HERC1: variants seen among roughly 807,000 people sequenced by gnomAD.
HERC1 encodes probable E3 ubiquitin-protein ligase HERC1.
Under a neutral mutation model 554.3 loss-of-function variants are expected in HERC1, and 160 were observed. The observed-to-expected ratio is 0.29, with a 90% confidence interval of 0.25 to 0.33. The LOEUF is 0.33. Among genes scored for constraint, HERC1 ranks in the 10% least tolerant of loss-of-function variants. The pLI is 1.00. For missense variants in HERC1, 4,919 were observed against 5,918.5 expected (o/e 0.83, Z 5.54); for synonymous variants, 2,175 against 2,131.7 (o/e 1.02, Z -0.56).
chr15:63,694,103 G>T lies in HERC1; in HGVS notation c.5535C>A (p.Leu1845=). The change falls in exon 30 of 78, where the codon CTC becomes CTA. Residue 1845 remains leucine (L), a synonymous_variant. Coordinates refer to ENST00000443617, the MANE Select transcript of HERC1 (RefSeq NM_003922.4). This position sits in a 1 kb window ranked among gnomAD's most constrained non-coding sequence, Gnocchi z 4.3. ...PKVVQSLLDL[L]CSQLKNLLSQ... is the part of the protein sequence containing the mutation. The stretch of plus-strand genomic sequence containing the variant: ...ACAATAAATTCTTCAACTGACTACA[G>T]AGTAGATCCAACAAGGATTGAACTA... 6.2e-7 allele frequency: 1 copy of T among 1,610,546 alleles called. No individual in the cohort carries two copies. The highest frequency in any genetic ancestry group is 8.5e-7 in the Non-Finnish European group (1 of 1,178,298).
rs556727293 is a variant in HERC1, at chr15:63,664,380, A to T, written c.8680+90T>A. 5 of 1,166,862 alleles carry T rather than the reference A, an allele frequency of 4.3e-6. No homozygotes were observed. In the South Asian group the frequency reaches 7.5e-5, roughly 18 times the overall value. 72.3% of individuals were successfully genotyped at this position (1,166,862 alleles called of 1,614,324 possible). A position where few individuals can be genotyped will look rare whatever the true frequency, so the allele number is the denominator to read the frequency against. On this transcript the variant is annotated intron_variant, in intron 43 of 77. Transcript: ENST00000443617. ...AATGTGGAGGGACTGAGCACTTAGT[A>T]TCATTAGTTTGAATCTTCTTTAATG...
In HERC1 at chr15:63,641,643, C is replaced by T; in HGVS notation, c.11434G>A (p.Asp3812Asn). Reference sequence around the variant, plus strand: ...GCTGTACAATTCACGACCAAAACATCCTGGTTGAAAATAAATCATGCCACA... The same window carrying T: ...GCTGTACAATTCACGACCAAAACATTCTGGTTGAAAATAAATCATGCCACA... ...GVAACSNRSK[D>N]VLVVNCTAEW... The change falls in exon 60 of 78, where the codon GAT becomes AAT. Residue 3812 changes from aspartate to asparagine, a missense_variant and splice_region_variant. Asp to Asn is a conservative substitution (Grantham distance 23). Transcript: ENST00000443617. The T allele has an allele frequency of 6.6e-7, 1 of 1,521,670 alleles. No individual in the cohort carries two copies. Among genetic ancestry groups the T allele is most frequent in the Non-Finnish European group, 8.9e-7 (1 of 1,126,484 alleles). The allele number at this position is 1,521,670 out of a possible 1,614,324, so 94.3% of individuals were successfully genotyped here.
Position 63,723,262 on chromosome 15 carries a change from T to A in HERC1, c.3662A>T (p.Tyr1221Phe), listed in dbSNP as rs780900182. The A allele has an allele frequency of 1.3e-6, 2 of 1,599,494 alleles. No homozygotes were observed. Among genetic ancestry groups the A allele is most frequent in the East Asian group, 2.2e-5 (1 of 44,576 alleles). ...DYKLRPEIAV[Y>F]VDLALGCSKE... ...AGAACAACCCAATGCCAAGTCTACATAGACAGCAATTTCAGGCCGCAATTT... is the reference window on the plus strand; with the variant it reads ...AGAACAACCCAATGCCAAGTCTACAAAGACAGCAATTTCAGGCCGCAATTT... Residue 1221 changes from tyrosine (Y) to phenylalanine (F), a missense_variant, in exon 19 of 78, where the codon TAT becomes TTT. Tyr to Phe is a conservative substitution (Grantham distance 22). Transcript: ENST00000443617.
intron 33 of HERC1, among the ~76,000 whole-genome samples, chr15:63,688,706 A>C (rs2071927072): frequency 6.6e-6 from 1 of 152,240 alleles, no homozygotes; most frequent in African/African-American, 2.4e-5. Flanking sequence ...GTGTGGAATC[A>C]CAAAAACCAA....
chr15:63,736,814 G>A (rs201552316), intron 12 of HERC1, among the ~76,000 whole-genome samples: 1 of 151,726 alleles, frequency 6.6e-6, no homozygotes, highest in Non-Finnish European at 1.5e-5. Flanking sequence ...ACCATGTTGG[G>A]CAGGCTGGTC....
At chr15:63,805,115 G>A (rs1319713565) in intron 1 of HERC1, among the ~76,000 whole-genome samples, 1 of 152,088 alleles carries the variant, frequency 6.6e-6, no homozygotes, top group East Asian at 1.9e-4. Flanking sequence ...ATTACATAAA[G>A]ACCTGGTCAT....
At chr15:63,684,550 A>G (rs1392210691) in intron 34 of HERC1, among the ~76,000 whole-genome samples, 2 of 152,204 alleles carry the variant, frequency 1.3e-5, no homozygotes, top group African/African-American at 4.8e-5. Flanking sequence ...GATTTTTAAA[A>G]ATTAAAAAAT....
chr15:63,646,645 CAA>C (rs767283019), intron 55 of HERC1, among the ~76,000 whole-genome samples: 4 of 135,486 alleles, frequency 3.0e-5, no homozygotes, highest in Middle Eastern at 3.9e-3. Flanking sequence ...AGTAAAAATA[CAA>C]AAAAAAAAAA....
At chr15:63,633,997 G>A in intron 66 of HERC1, 27 bp from the exon 67 acceptor site, 2 of 1,613,052 alleles carry the variant, frequency 1.2e-6, no homozygotes, top group Non-Finnish European at 1.7e-6. Flanking sequence ...ATTCCGTAAG[G>A]CAAATCACAA....
Position 63,758,118 on chromosome 15 carries a change from T to A in HERC1, c.1221+57A>T. On this transcript the variant is annotated intron_variant, in intron 4 of 77. Transcript: ENST00000443617. The surrounding 1 kb of genome is among the most constrained non-coding windows in gnomAD (Gnocchi z 4.0). ...AATACTCAGTATTATTTAATGCAAA[T>A]AAGCATGAATATACACCAGATTATC... 8.2e-7 allele frequency: 1 copy of A among 1,225,662 alleles called. No homozygotes were observed. The highest frequency in any genetic ancestry group is 1.2e-6 in the Non-Finnish European group (1 of 861,876). The allele number at this position is 1,225,662 out of a possible 1,614,324, so 75.9% of individuals were successfully genotyped here. A position where few individuals can be genotyped will look rare whatever the true frequency, so the allele number is the denominator to read the frequency against.
rs989169497 is a variant in HERC1 at position 63,638,455 on chromosome 15, C to T, written c.12049G>A (p.Val4017Ile). 6.2e-7 allele frequency: 1 copy of T among 1,613,866 alleles called. No homozygotes were observed. Among genetic ancestry groups the T allele is most frequent in the African/African-American group, 1.3e-5 (1 of 75,028 alleles). Residue 4017 changes from valine to isoleucine, a missense_variant, in exon 63 of 78, where the codon GTA becomes ATA. This residue lies in a region of HERC1 where 122 missense variants were observed against 195.2 expected (regional missense o/e 0.63). Coordinates refer to ENST00000443617, the MANE Select transcript of HERC1 (RefSeq NM_003922.4). ...HGQLAEAGRN[V>I]MVPAAAPSFS... ...GAGGGAGCTGCTGCAGGTACCATTA[C>T]ATTTCTTCCAGCTTCTGCCAGCTGT...
chr15:63,816,782 A>G (rs1235362778), intron 1 of HERC1, among the ~76,000 whole-genome samples: 6 of 152,244 alleles, frequency 3.9e-5, no homozygotes, highest in Admixed American at 3.9e-4. Flanking sequence ...TTGAAGAAAT[A>G]CTTAAAAAAG....
Position 63,669,554 on chromosome 15 carries a change from C to G in HERC1, c.8190G>C (p.Arg2730Ser). 6.2e-7 allele frequency: 1 copy of G among 1,613,776 alleles called. No homozygotes were observed. The highest frequency in any genetic ancestry group is 8.5e-7 in the Non-Finnish European group (1 of 1,179,708). Residue 2730 changes from arginine (R) to serine (S), a missense_variant, in exon 40 of 78, where the codon AGG becomes AGC. Coordinates refer to ENST00000443617, the MANE Select transcript of HERC1 (RefSeq NM_003922.4). ...SLTSPDSQSA[R>S]PANRTALSDP... Reference sequence around the variant, plus strand: ...CACACGCACCTGTGCGGTTAGCTGGCCTTGCTGACTGGGAATCAGGAGAAG... The same window carrying G: ...CACACGCACCTGTGCGGTTAGCTGGGCTTGCTGACTGGGAATCAGGAGAAG...
At chr15:63,831,792 T>C (rs1185578873) in intron 1 of HERC1, among the ~76,000 whole-genome samples, 1 of 152,184 alleles carries the variant, frequency 6.6e-6, no homozygotes, top group East Asian at 1.9e-4. Context: ...TTCTCCAAAA[T>C]TTCTTTAAAT....
intron 27 of HERC1, among the ~76,000 whole-genome samples, chr15:63,695,387 T>A (rs949962414): frequency 4.3e-4 from 63 of 146,050 alleles, no homozygotes; most frequent in South Asian, 4.4e-4. Context: ...TATAATCTTT[T>A]TTTTTTTTTT....
In HERC1 at chr15:63,723,367, A is replaced by G; in HGVS notation, c.3569-12T>C. On this transcript the variant is annotated splice_polypyrimidine_tract_variant and intron_variant, in intron 18 of 77. Transcript: ENST00000443617. Reference sequence around the variant, plus strand: ...ACTCATACATTTATCTAAAAAAAATACTCACGTTACCAATTTTAACATCAT... The same window carrying G: ...ACTCATACATTTATCTAAAAAAAATGCTCACGTTACCAATTTTAACATCAT... 1.3e-6 allele frequency: 2 copies of G among 1,512,706 alleles called. No homozygotes were observed. The highest frequency in any genetic ancestry group is 2.6e-5 in the South Asian group (2 of 78,292). The allele number at this position is 1,512,706 out of a possible 1,614,324, so 93.7% of individuals were successfully genotyped here.
intron 74 of HERC1, among the ~76,000 whole-genome samples, chr15:63,622,025 G>C (rs1001386837): frequency 4.6e-5 from 7 of 152,158 alleles, no homozygotes; most frequent in Non-Finnish European, 1.0e-4. Flanking sequence ...TTGTTCCGTT[G>C]CTGGTGAGGA....
At chr15:63,761,504 T>C (rs2075610170) in intron 3 of HERC1, among the ~76,000 whole-genome samples, 1 of 151,766 alleles carries the variant, frequency 6.6e-6, no homozygotes, top group Admixed American at 6.6e-5. Context: ...GGAAGATCAC[T>C]TGAGCCCAGG....
chr15:63,824,969 A>G (rs2077839334), intron 1 of HERC1, among the ~76,000 whole-genome samples: 3 of 152,164 alleles, frequency 2.0e-5, no homozygotes, highest in South Asian at 4.1e-4. Flanking sequence ...TCAAGGGAAC[A>G]AAGTTGCAGT....
Sources: allele counts gnomAD v4.1 joint callset (sites outside exome capture counted in the v4.1 genomes callset), GRCh38; gene constraint gnomAD v4.1.1; regional missense constraint gnomAD v4.1.1; non-coding constraint Gnocchi (gnomAD v3.1); transcripts MANE v1.5; gene names NCBI Gene and HGNC (gene_info 2026-07-23, HGNC 2026-07-21).